MAP6: variants seen among roughly 807,000 people sequenced by gnomAD.
MAP6 encodes the protein microtubule associated protein 6.
A neutral mutation model predicts 42.4 loss-of-function variants in MAP6; 26 were observed. The ratio of observed to expected loss-of-function variants is 0.61; its 90% CI spans 0.45 to 0.85. The LOEUF (loss-of-function observed/expected upper bound fraction) is 0.85. Ranked by LOEUF, MAP6 falls within the 40% of genes least tolerant of loss-of-function variation. MAP6 has a pLI of 0.00. For missense variants in MAP6, 966 were observed against 1,099.0 expected (o/e 0.88, Z 1.71); for synonymous variants, 418 against 443.8 (o/e 0.94, Z 0.73).
At chr11:75,603,697 TG>T in intron 3 of MAP6, 4 of 985,306 alleles carry the variant, frequency 4.1e-6, no homozygotes, top group Non-Finnish European at 4.8e-6. Context: ...GTGCACCCTC[TG>T]GTTGTGTGGC....
chr11:75,668,455 C>A lies in MAP6; in HGVS notation c.-86G>T. 7.0e-7 allele frequency: 1 copy of A among 1,435,624 alleles called. No homozygotes were observed. The highest frequency in any genetic ancestry group is 9.1e-7 in the Non-Finnish European group (1 of 1,094,766). The allele number at this position is 1,435,624 out of a possible 1,614,324, so 88.9% of individuals were successfully genotyped here. ...ATCTTCCTTCAGCCTCCGATCCTGA[C>A]CGGCCAATGTGGTTCCCACCGTTTT... On this transcript the variant is annotated 5_prime_UTR_variant, in exon 1 of 4. Coordinates refer to ENST00000304771, the MANE Select transcript of MAP6 (RefSeq NM_033063.2).
chr11:75,631,797 T>C (rs1313105755), intron 1 of MAP6, among the ~76,000 whole-genome samples: 1 of 152,204 alleles, frequency 6.6e-6, no homozygotes, highest in African/African-American at 2.4e-5. Context: ...AAAGTGATAA[T>C]TTCTGCTGTC....
intron 3 of MAP6, chr11:75,597,419 T>C (rs1422645649): frequency 2.6e-5 from 4 of 152,238 alleles, no homozygotes; most frequent in African/African-American, 4.8e-5. Flanking sequence ...CTAAATAAAT[T>C]TCCAATTGTA....
intron 3 of MAP6, among the ~76,000 whole-genome samples, chr11:75,591,007 T>C (rs1942468217): frequency 6.6e-6 from 1 of 152,006 alleles, no homozygotes. Flanking sequence ...AAAATGTGCA[T>C]AGATTTAGTT....
intron 1 of MAP6, among the ~76,000 whole-genome samples, chr11:75,644,161 A>C (rs1251710956): frequency 6.6e-6 from 1 of 151,952 alleles, no homozygotes; most frequent in Non-Finnish European, 1.5e-5. Flanking sequence ...TTTGGCAAAT[A>C]CTCTTCCCAG....
At chr11:75,606,598 C>T (rs1221549758) in intron 2 of MAP6, among the ~76,000 whole-genome samples, 3 of 152,116 alleles carry the variant, frequency 2.0e-5, no homozygotes, top group Non-Finnish European at 4.4e-5. Flanking sequence ...GGCGGTGGGT[C>T]GCTGCAGCAC....
In MAP6 at chr11:75,668,524, G is replaced by A. The variant is rs1944006302; in HGVS notation, c.-155C>T. 1.8e-6 allele frequency: 2 copies of A among 1,117,522 alleles called. No individual in the cohort carries two copies. Among genetic ancestry groups the A allele is most frequent in the East Asian group, 3.1e-5 (1 of 32,116 alleles). 69.2% of individuals were successfully genotyped at this position (1,117,522 alleles called of 1,614,324 possible). On this transcript the variant is annotated 5_prime_UTR_variant, in exon 1 of 4. Coordinates refer to ENST00000304771, the MANE Select transcript of MAP6 (RefSeq NM_033063.2). ...AGCTAGTTCGCCCTCCTCCCTCAGCGAGCACCCGGGGAGAGCTGTCCTAGG... is the reference window on the plus strand; with the variant it reads ...AGCTAGTTCGCCCTCCTCCCTCAGCAAGCACCCGGGGAGAGCTGTCCTAGG...
At chr11:75,604,034 T>C in intron 3 of MAP6, 1 of 985,844 alleles carries the variant, frequency 1.0e-6, no homozygotes, top group Non-Finnish European at 1.2e-6. Context: ...ACTCTAGTCA[T>C]TTCCTGATAG....
rs659463 is a variant in MAP6 at position 75,606,128 on chromosome 11, G to A, written c.1120-124C>T. 0.11 allele frequency: 129,742 copies of A among 1,138,626 alleles called. 8,300 individuals are homozygous for A. The highest frequency in any genetic ancestry group is 0.16 in the Middle Eastern group (562 of 3,442). The allele number at this position is 1,138,626 out of a possible 1,614,324, so 70.5% of individuals were successfully genotyped here. Reference sequence around the variant, plus strand: ...AATGACAGAGGTTGGCTCAGGTGGAGCACAGTGCATAAGGTGTTCCCAAGG... The same window carrying A: ...AATGACAGAGGTTGGCTCAGGTGGAACACAGTGCATAAGGTGTTCCCAAGG... On this transcript the variant is annotated intron_variant, in intron 2 of 3. Coordinates refer to ENST00000304771, the MANE Select transcript of MAP6 (RefSeq NM_033063.2).
intron 1 of MAP6, among the ~76,000 whole-genome samples, chr11:75,645,873 A>G (rs1393147636): frequency 1.3e-5 from 2 of 152,092 alleles, no homozygotes; most frequent in East Asian, 3.8e-4. Flanking sequence ...GATAAGATAT[A>G]TGAAAAATAA....
chr11:75,642,946 T>C, intron 1 of MAP6: 1 of 453,418 alleles, frequency 2.2e-6, no homozygotes, highest in South Asian at 1.7e-5. Flanking sequence ...TAAAAAAAAT[T>C]CATGTCAGAA....
intron 1 of MAP6, among the ~76,000 whole-genome samples, chr11:75,611,318 T>C (rs1314698714): frequency 1.3e-5 from 2 of 152,264 alleles, no homozygotes; most frequent in African/African-American, 4.8e-5. Flanking sequence ...AGGTGTACCC[T>C]ATTCCTAAGT....
intron 1 of MAP6, among the ~76,000 whole-genome samples, chr11:75,632,005 A>G (rs1026195431): frequency 2.6e-5 from 4 of 152,200 alleles, no homozygotes; most frequent in Non-Finnish European, 5.9e-5. Flanking sequence ...AAATCCATCA[A>G]TTTAATCAAC....
At chr11:75,609,124 G>T (rs1942838459) in intron 1 of MAP6, among the ~76,000 whole-genome samples, 2 of 152,242 alleles carry the variant, frequency 1.3e-5, no homozygotes, top group South Asian at 4.1e-4. Flanking sequence ...CTTGTTCTCT[G>T]CAATCCATCT....
intron 3 of MAP6, among the ~76,000 whole-genome samples, chr11:75,595,579 C>G (rs1348933749): frequency 6.6e-6 from 1 of 152,204 alleles, no homozygotes; most frequent in Non-Finnish European, 1.5e-5. Context: ...TCAGCCCAAG[C>G]AGCTCTAGCT....
At chr11:75,623,852 A>G (rs1590780688) in intron 1 of MAP6, among the ~76,000 whole-genome samples, 2 of 152,104 alleles carry the variant, frequency 1.3e-5, no homozygotes, top group Non-Finnish European at 2.9e-5. Flanking sequence ...TACCACTTCT[A>G]TTGCATTTTG....
intron 3 of MAP6, among the ~76,000 whole-genome samples, chr11:75,601,370 A>G (rs1171156885): frequency 6.6e-6 from 1 of 152,162 alleles, no homozygotes; most frequent in Non-Finnish European, 1.5e-5. Flanking sequence ...GAGCTTAATA[A>G]TATGCTTTTA....
intron 1 of MAP6, among the ~76,000 whole-genome samples, chr11:75,665,687 T>G (rs1390171018): frequency 6.6e-6 from 1 of 152,234 alleles, no homozygotes; most frequent in Non-Finnish European, 1.5e-5. Flanking sequence ...GTTTTTTATG[T>G]CTCCTGCTTA....
chr11:75,642,811 T>TCA (rs1383698514), intron 1 of MAP6: 1 of 417,088 alleles, frequency 2.4e-6, no homozygotes, highest in Non-Finnish European at 5.0e-6. Flanking sequence ...CTAAAAATTG[T>TCA]CACCGCAGAC....
Sources: gnomAD v4.1 joint callset for allele counts (sites outside exome capture counted in the v4.1 genomes callset) on GRCh38, gnomAD v4.1.1 for gene constraint, MANE v1.5 for transcripts, NCBI Gene and HGNC (gene_info 2026-07-23, HGNC 2026-07-21) for gene names.